BEND4: variants seen among roughly 807,000 people sequenced by gnomAD.
BEND4 encodes the protein BEN domain containing 4, also known as BEN domain-containing protein 4.
Under a neutral mutation model 54.7 loss-of-function variants are expected in BEND4, and 27 were observed. The observed-to-expected ratio is 0.49, with a 90% CI of 0.36 to 0.68. The LOEUF (loss-of-function observed/expected upper bound fraction) is 0.68. Ranked by LOEUF, BEND4 falls within the 30% of genes least tolerant of loss-of-function variation. The pLI, the probability that BEND4 is intolerant of heterozygous loss-of-function variation, is 0.00. For missense variants in BEND4, 702 were observed against 697.2 expected (o/e 1.01, Z -0.08); for synonymous variants, 327 against 299.5 (o/e 1.09, Z -0.95).
At position 42,150,048 on chromosome 4, in the gene BEND4, G is replaced by A. The variant is rs528531183; in HGVS notation, c.487+1609C>T. Among the ~76,000 whole-genome samples the A allele has an allele frequency of 1.8e-4, 28 of 152,176 alleles. No individual in the cohort carries two copies. In the East Asian group the frequency reaches 4.8e-3, roughly 26 times the overall value. ...CGCAAAAGAGTAAAAGCAAAACACA[G>A]AAAATGGGAAAAGGACCCAAATTGC... On this transcript the variant is annotated intron_variant, in intron 2 of 5. Transcript: ENST00000502486.
chr4:42,143,799 T>C lies in BEND4; in HGVS notation c.683A>G (p.Asn228Ser), dbSNP rs542119341. 110 of 1,607,260 alleles carry C rather than the reference T, an allele frequency of 6.8e-5. 1 individual carries two copies. Among genetic ancestry groups the C allele is most frequent in the South Asian group, 5.6e-4 (50 of 89,508 alleles). The change falls in exon 3 of 6, where the codon AAT becomes AGT. Residue 228 changes from asparagine (N) to serine (S), a missense_variant. By Grantham distance (46) the Asn-to-Ser change is conservative. Transcript: ENST00000502486. ...GKGVHSQTSD[N>S]VDIEMQYMQR... ...CATATACTGCATCTCTATGTCTACA[T>C]TGTCTGAGGTCTGACTGTGGACCCC...
In BEND4 at chr4:42,115,578, A is replaced by G. The variant is rs981332732; in HGVS notation, c.*1940T>C. 4.6e-5 allele frequency: 7 copies of G among 152,358 alleles called. No homozygotes were observed. Among genetic ancestry groups the G allele is most frequent in the African/African-American group, 1.7e-4 (7 of 41,586 alleles). The allele number at this position is 152,358 out of a possible 1,614,324, so 9.4% of individuals were successfully genotyped here. On this transcript the variant is annotated 3_prime_UTR_variant, in exon 6 of 6. Coordinates refer to ENST00000502486, the MANE Select transcript of BEND4 (RefSeq NM_207406.4). Reference sequence around the variant, plus strand: ...CAGTAAGGACAACTTAAGGCCAATGAAAAATTAAGGTAAGATGGAAAAACA... The same window carrying G: ...CAGTAAGGACAACTTAAGGCCAATGGAAAATTAAGGTAAGATGGAAAAACA...
intron 2 of BEND4, among the ~76,000 whole-genome samples, chr4:42,148,729 T>C (rs909607033): frequency 2.4e-4 from 37 of 152,244 alleles, no homozygotes; most frequent in African/African-American, 8.4e-4. Flanking sequence ...TTAAAGAGAA[T>C]GACCTATGCA....
chr4:42,127,502 T>G (rs1458105450), intron 3 of BEND4, among the ~76,000 whole-genome samples: 2 of 152,220 alleles, frequency 1.3e-5, no homozygotes, highest in Non-Finnish European at 1.5e-5. Context: ...TGAGGAAGAA[T>G]GTGTCTCCTG....
intron 3 of BEND4, among the ~76,000 whole-genome samples, chr4:42,126,058 T>C: frequency 6.6e-6 from 1 of 151,672 alleles, no homozygotes; most frequent in Admixed American, 6.6e-5. Context: ...AGATTTTTGA[T>C]GCAAACTTCC....
intron 2 of BEND4, 147 bp downstream of exon 2, chr4:42,151,510 G>A (rs1721280990): frequency 2.5e-6 from 2 of 807,696 alleles, no homozygotes; most frequent in African/African-American, 3.6e-5. Context: ...GAAGTTTCCG[G>A]GTGCGCGGGG....
In BEND4 at chr4:42,114,526, A is replaced by C. The variant is rs1719721218; in HGVS notation, c.*2992T>G. The stretch of plus-strand genomic sequence containing the variant: ...TACACTACCAATGCTAACATGACTC[A>C]AGAAGGACTCTAAAAGCTGACATGA... On this transcript the variant is annotated 3_prime_UTR_variant, in exon 6 of 6. Transcript: ENST00000502486. The C allele has an allele frequency of 6.6e-6, 1 of 151,550 alleles. No individual in the cohort carries two copies. Among genetic ancestry groups the C allele is most frequent in the South Asian group, 2.1e-4 (1 of 4,824 alleles). 9.4% of individuals were successfully genotyped at this position (151,550 alleles called of 1,614,324 possible).
chr4:42,141,777 T>C (rs1278147790), intron 3 of BEND4, among the ~76,000 whole-genome samples: 3 of 152,170 alleles, frequency 2.0e-5, no homozygotes, highest in African/African-American at 7.2e-5. Context: ...TAACTTATAT[T>C]TATGCATATG....
chr4:42,135,720 A>T (rs1314508841), intron 3 of BEND4, among the ~76,000 whole-genome samples: 1 of 152,168 alleles, frequency 6.6e-6, no homozygotes, highest in Non-Finnish European at 1.5e-5. Context: ...GCTTGCAGTG[A>T]GCCGAGATTG....
intron 3 of BEND4, among the ~76,000 whole-genome samples, chr4:42,132,911 AG>A (rs1231663217): frequency 6.6e-6 from 1 of 152,220 alleles, no homozygotes; most frequent in East Asian, 1.9e-4. Context: ...TTCTATTACA[AG>A]GAAGAATGGC....
At chr4:42,127,670 T>A (rs1378342087) in intron 3 of BEND4, among the ~76,000 whole-genome samples, 1 of 152,214 alleles carries the variant, frequency 6.6e-6, no homozygotes, top group Non-Finnish European at 1.5e-5. Context: ...CAGTGCTGAG[T>A]ATGAGGCTCC....
At chr4:42,145,265 A>T (rs2153147493) in intron 2 of BEND4, among the ~76,000 whole-genome samples, 1 of 152,318 alleles carries the variant, frequency 6.6e-6, no homozygotes, top group South Asian at 2.1e-4. Flanking sequence ...GACCAAGGAA[A>T]CCACACTACA....
intron 4 of BEND4, 80 bp from the exon 5 acceptor site, chr4:42,120,374 CA>C (rs1720011143): frequency 6.5e-7 from 1 of 1,527,110 alleles, no homozygotes; most frequent in African/African-American, 1.4e-5. Context: ...CAAAGGCAAA[CA>C]TGCTTTTTTT....
chr4:42,115,334 T>G lies in BEND4; in HGVS notation c.*2184A>C, dbSNP rs1419847814. 2 of 152,204 alleles carry G rather than the reference T, an allele frequency of 1.3e-5. No homozygotes were observed. The highest frequency in any genetic ancestry group is 6.5e-5 in the Admixed American group (1 of 15,270). 9.4% of individuals were successfully genotyped at this position (152,204 alleles called of 1,614,324 possible). ...CTGCCCCCCGCCCTTGCAGCAGTGGTGCAGGTGCGTTGTCATGTACGGCCA... is the reference window on the plus strand; with the variant it reads ...CTGCCCCCCGCCCTTGCAGCAGTGGGGCAGGTGCGTTGTCATGTACGGCCA... On this transcript the variant is annotated 3_prime_UTR_variant, in exon 6 of 6. Transcript: ENST00000502486.
chr4:42,115,613 ATGGTGGTGTTTTTCTTC>A lies in BEND4; in HGVS notation c.*1888_*1904del, dbSNP rs1490140708. On this transcript the variant is annotated 3_prime_UTR_variant, in exon 6 of 6. Coordinates refer to ENST00000502486, the MANE Select transcript of BEND4 (RefSeq NM_207406.4). ...GTAAGATGGAAAAACAGATGAGGCT[ATGGTGGTGTTTTTCTTC>A]TAGCGAAGATGTCATGTTGTCAAAG... 1.3e-5 allele frequency: 2 copies of A among 152,224 alleles called. No individual in the cohort carries two copies. Among genetic ancestry groups the A allele is most frequent in the Admixed American group, 6.5e-5 (1 of 15,290 alleles). The allele number at this position is 152,224 out of a possible 1,614,324, so 9.4% of individuals were successfully genotyped here.
intron 3 of BEND4, among the ~76,000 whole-genome samples, chr4:42,130,502 A>G (rs1329929163): frequency 6.7e-6 from 1 of 148,946 alleles, no homozygotes; most frequent in Non-Finnish European, 1.5e-5. Context: ...AAAAAAAAAT[A>G]CCACAATGAG....
intron 2 of BEND4, 163 bp from the exon 3 acceptor site, chr4:42,144,157 A>G: frequency 1.5e-6 from 1 of 670,680 alleles, no homozygotes; most frequent in South Asian, 1.7e-5. Context: ...TAGAACGCAT[A>G]GCTTCCTGTT....
rs1721317231 is a variant in BEND4, at chr4:42,152,020, C to T, written c.124G>A (p.Glu42Lys). The T allele has an allele frequency of 2.4e-6, 3 of 1,252,926 alleles. No homozygotes were observed. The highest frequency in any genetic ancestry group is 3.2e-5 in the East Asian group (1 of 31,594). The allele number at this position is 1,252,926 out of a possible 1,614,324, so 77.6% of individuals were successfully genotyped here. The change falls in exon 2 of 6, where the codon GAG (glutamate) becomes AAG (lysine). Residue 42 changes from glutamate (E) to lysine (K), a missense_variant. Glu to Lys is a moderately conservative substitution (Grantham distance 56, BLOSUM62 1). Transcript: ENST00000502486. Reference sequence around the variant, plus strand: ...GGCAGCTCCACCAGGGTGGGTCGCTCGTAGCGCTTGGCCAGCGCCGGTCTC... The same window carrying T: ...GGCAGCTCCACCAGGGTGGGTCGCTTGTAGCGCTTGGCCAGCGCCGGTCTC... ...SKRPALAKRY[E>K]RPTLVELPHV...
intron 2 of BEND4, among the ~76,000 whole-genome samples, chr4:42,149,162 G>A (rs928964330): frequency 6.6e-5 from 10 of 152,108 alleles, no homozygotes; most frequent in Non-Finnish European, 1.5e-5. Flanking sequence ...ACACTTCTGC[G>A]AGGGTGCAAC....
Sources: allele counts gnomAD v4.1 joint callset (sites outside exome capture counted in the v4.1 genomes callset), GRCh38; gene constraint gnomAD v4.1.1; transcripts MANE v1.5; gene names NCBI Gene and HGNC (gene_info 2026-07-23, HGNC 2026-07-21).